Variants in GPR160 observed in about 807,000 individuals in gnomAD.
The protein encoded by GPR160 is probable G protein-coupled receptor 160.
In GPR160, 2 loss-of-function variants were observed where a neutral mutation model predicts 2.6. The ratio of observed to expected loss-of-function variants is 0.77; its 90% CI spans 0.32 to 2.44. The LOEUF (loss-of-function observed/expected upper bound fraction) is 2.44. Ranked by LOEUF, GPR160 falls within the 30% of genes most tolerant of loss-of-function variation. The pLI is 0.11. For missense variants in GPR160, 351 were observed against 383.6 expected (o/e 0.91, Z 0.71); for synonymous variants, 130 against 132.2 (o/e 0.98, Z 0.12).
chr3:170,076,781 C>CA (rs1712871576), intron 2 of GPR160, among the ~76,000 whole-genome samples: 1 of 152,146 alleles, frequency 6.6e-6, no homozygotes, highest in Non-Finnish European at 1.5e-5. Context: ...TGGCCTCAGG[C>CA]AATCCGCCTG....
intron 2 of GPR160, among the ~76,000 whole-genome samples, chr3:170,079,155 C>T (rs1210588571): frequency 6.6e-6 from 1 of 152,216 alleles, no homozygotes; most frequent in Non-Finnish European, 1.5e-5. Context: ...AAGCAAGCAG[C>T]TCCAGCTGTT....
chr3:170,042,427 A>T (rs1716492604), intron 2 of GPR160, among the ~76,000 whole-genome samples: 1 of 150,974 alleles, frequency 6.6e-6, no homozygotes, highest in Non-Finnish European at 1.5e-5. Flanking sequence ...CCTCAAAAAA[A>T]AAAAAAAAAG....
At position 170,083,908 on chromosome 3, in the gene GPR160, C is replaced by T; in HGVS notation, c.-65C>T. 3 of 895,162 alleles carry T rather than the reference C, an allele frequency of 3.4e-6. No homozygotes were observed. Among genetic ancestry groups the T allele is most frequent in the South Asian group, 3.1e-5 (1 of 32,048 alleles). The allele number at this position is 895,162 out of a possible 1,614,324, so 55.5% of individuals were successfully genotyped here. On this transcript the variant is annotated 5_prime_UTR_variant, in exon 4 of 4. Transcript: ENST00000355897. ...TTTCTTTTCACTTTTTTTGCAGGGACAGAAAATGAAGCAGTGTTTTATCAT... is the reference window on the plus strand; with the variant it reads ...TTTCTTTTCACTTTTTTTGCAGGGATAGAAAATGAAGCAGTGTTTTATCAT...
intron 2 of GPR160, among the ~76,000 whole-genome samples, chr3:170,046,633 G>A (rs1264525207): frequency 6.6e-6 from 1 of 152,152 alleles, no homozygotes; most frequent in African/African-American, 2.4e-5. Context: ...TCATAGAACA[G>A]ATACATTGAG....
intron 2 of GPR160, among the ~76,000 whole-genome samples, chr3:170,072,000 G>A (rs1246077460): frequency 2.7e-5 from 4 of 150,734 alleles, no homozygotes; most frequent in Non-Finnish European, 5.9e-5. Context: ...CCTGTGGATG[G>A]ATATTTGGGA....
At chr3:170,062,568 C>A in intron 2 of GPR160, 1 of 819,900 alleles carries the variant, frequency 1.2e-6, no homozygotes, top group South Asian at 1.4e-5. Flanking sequence ...AGGAGAGGAC[C>A]CCTCGCACCT....
At chr3:170,071,378 G>A (rs1712586784) in intron 2 of GPR160, among the ~76,000 whole-genome samples, 2 of 152,194 alleles carry the variant, frequency 1.3e-5, no homozygotes, top group Admixed American at 1.3e-4. Context: ...CTCGCCATGT[G>A]AGATGCCTGT....
intron 2 of GPR160, among the ~76,000 whole-genome samples, chr3:170,065,883 TG>T: frequency 6.6e-6 from 1 of 152,196 alleles, no homozygotes; most frequent in South Asian, 2.1e-4. Context: ...ATCTCATTCA[TG>T]ACCCCATCTG....
At chr3:170,061,583 A>G (rs2108327399) in intron 2 of GPR160, among the ~76,000 whole-genome samples, 1 of 152,290 alleles carries the variant, frequency 6.6e-6, no homozygotes, top group East Asian at 1.9e-4. Flanking sequence ...GAAAATGGCT[A>G]TCCGATTATA....
chr3:170,075,552 C>T (rs1411321176), intron 2 of GPR160, among the ~76,000 whole-genome samples: 1 of 152,172 alleles, frequency 6.6e-6, no homozygotes, highest in African/African-American at 2.4e-5. Context: ...CATGGTCACT[C>T]AAGGACCCAG....
At chr3:170,069,224 G>A (rs1260675782) in intron 2 of GPR160, among the ~76,000 whole-genome samples, 1 of 152,186 alleles carries the variant, frequency 6.6e-6, no homozygotes, top group Non-Finnish European at 1.5e-5. Flanking sequence ...GAGATCTGGG[G>A]ACCTAACTGC....
At position 170,071,068 on chromosome 3, in the gene GPR160, G is replaced by A. The variant is rs952013945; in HGVS notation, c.-192-8706G>A. ...ATAGTCTCTCTGGCCATAGGGATTC[G>A]TTTTTCTGTTGTGAATCCCATATAA... On this transcript the variant is annotated intron_variant, in intron 2 of 3. Coordinates refer to ENST00000355897, the MANE Select transcript of GPR160 (RefSeq NM_014373.3). Among the ~76,000 whole-genome samples, 6 of 145,896 alleles carry A rather than the reference G, an allele frequency of 4.1e-5. No homozygotes were observed. The East Asian group carries it at 1.0e-3, about 25-fold the overall frequency.
chr3:170,084,786 TATATTGAGATGA>T lies in GPR160; in HGVS notation c.820_831del (p.Glu274_Ile277del). 1 of 1,602,942 alleles carries T rather than the reference TATATTGAGATGA, an allele frequency of 6.2e-7. No homozygotes were observed. Among genetic ancestry groups the T allele is most frequent in the Non-Finnish European group, 8.5e-7 (1 of 1,170,242 alleles). On this transcript the variant is annotated inframe_deletion, in exon 4 of 4. Transcript: ENST00000355897. The stretch of plus-strand genomic sequence containing the variant: ...TTTACTTAAAGTTCAGATTCCAGCA[TATATTGAGATGA>T]ATATTCCCTGGTTATACTTTGTCAA...
chr3:170,084,600 G>C lies in GPR160; in HGVS notation c.628G>C (p.Ala210Pro). The C allele has an allele frequency of 6.2e-7, 1 of 1,613,032 alleles. No homozygotes were observed. The stretch of plus-strand genomic sequence containing the variant: ...GGAAGAAGTTACTACTTTGGTACAG[G>C]CTATCAGGATAACTTCCTATATGAA... Reference protein sequence around the residue: ...CWEEVTTLVQAIRITSYMNET... With the variant: ...CWEEVTTLVQPIRITSYMNET... The change falls in exon 4 of 4, where the codon GCT becomes CCT. Residue 210 changes from alanine (A) to proline (P), a missense_variant. Transcript: ENST00000355897.
At chr3:170,064,764 C>G (rs1436540038) in intron 2 of GPR160, among the ~76,000 whole-genome samples, 1 of 152,022 alleles carries the variant, frequency 6.6e-6, no homozygotes, top group Non-Finnish European at 1.5e-5. Context: ...GTCATCCGCC[C>G]GCCTCGGCCT....
chr3:170,065,035 G>A (rs1712243517), intron 2 of GPR160, among the ~76,000 whole-genome samples: 1 of 152,216 alleles, frequency 6.6e-6, no homozygotes, highest in African/African-American at 2.4e-5. Context: ...TCTGACGGGA[G>A]TGTAGATGTG....
chr3:170,060,402 C>A (rs1711877024), intron 2 of GPR160, among the ~76,000 whole-genome samples: 1 of 152,118 alleles, frequency 6.6e-6, no homozygotes, highest in Non-Finnish European at 1.5e-5. Context: ...TCAGGTGAAA[C>A]TTTGTTATGC....
intron 2 of GPR160, among the ~76,000 whole-genome samples, chr3:170,076,478 A>G (rs1349167924): frequency 6.6e-6 from 1 of 152,170 alleles, no homozygotes; most frequent in African/African-American, 2.4e-5. Context: ...TCAAGTCACA[A>G]TCCTATGGAT....
intron 2 of GPR160, among the ~76,000 whole-genome samples, chr3:170,064,965 G>A (rs1422101030): frequency 6.6e-6 from 1 of 152,080 alleles, no homozygotes; most frequent in East Asian, 1.9e-4. Context: ...GCCTCACAAC[G>A]GTGCTACCTA....
Sources: allele counts gnomAD v4.1 joint callset (sites outside exome capture counted in the v4.1 genomes callset), GRCh38; gene constraint gnomAD v4.1.1; transcripts MANE v1.5; gene names NCBI Gene and HGNC (gene_info 2026-07-23, HGNC 2026-07-21).